Variants in B3GLCT observed in about 807,000 individuals in gnomAD.
The protein encoded by B3GLCT is beta-1,3-glucosyltransferase.
Under a neutral mutation model 63.4 loss-of-function variants are expected in B3GLCT, and 65 were observed. The observed-to-expected ratio is 1.03, with a 90% CI of 0.84 to 1.26. The LOEUF (loss-of-function observed/expected upper bound fraction) is 1.26, where lower values mean the gene tolerates loss of function less well. Ranked by LOEUF, B3GLCT falls within the 50% of genes most tolerant of loss-of-function variation. The pLI is 0.00. For missense variants in B3GLCT, 577 were observed against 604.8 expected (o/e 0.95, Z 0.48); for synonymous variants, 233 against 219.2 (o/e 1.06, Z -0.55).
Position 31,217,714 on chromosome 13 carries a change from T to C in B3GLCT, c.120+2614T>C, listed in dbSNP as rs755841199. ...AATAGTGAGTCCTTTCCCCATTGCTTGTTTTTGTCAAAGATCAGATGGTTG... is the reference window on the plus strand; with the variant it reads ...AATAGTGAGTCCTTTCCCCATTGCTCGTTTTTGTCAAAGATCAGATGGTTG... On this transcript the variant is annotated intron_variant, in intron 2 of 14. Transcript: ENST00000343307. 1.3e-5 allele frequency among the ~76,000 whole-genome samples: 2 copies of C among 152,330 alleles called. 1 individual carries two copies. Among genetic ancestry groups the C allele is most frequent in the Admixed American group, 1.3e-4 (2 of 15,302 alleles).
chr13:31,286,803 G>C lies in B3GLCT; in HGVS notation c.1048G>C (p.Asp350His). The C allele has an allele frequency of 1.2e-6, 2 of 1,610,472 alleles. No individual in the cohort carries two copies. The highest frequency in any genetic ancestry group is 1.7e-6 in the Non-Finnish European group (2 of 1,176,948). The change falls in exon 12 of 15, where the codon GAT becomes CAT. Residue 350 changes from aspartate to histidine, a missense_variant. Asp to His is a moderately conservative substitution (Grantham distance 81). Transcript: ENST00000343307. Reference sequence around the variant, plus strand: ...AACAGCATGGTTAGTCATTGTGGATGATGATACATTAATAAGGTAAGGAGT... The same window carrying C: ...AACAGCATGGTTAGTCATTGTGGATCATGATACATTAATAAGGTAAGGAGT... ...DKTAWLVIVD[D>H]DTLISISRLQ... is the part of the protein sequence containing the mutation.
intron 10 of B3GLCT, among the ~76,000 whole-genome samples, chr13:31,280,948 T>C (rs1873040471): frequency 6.6e-6 from 1 of 152,214 alleles, no homozygotes; most frequent in Non-Finnish European, 1.5e-5. Context: ...GGGCATAGCA[T>C]GTAAAATTAT....
chr13:31,315,946 G>A (rs1874982641), intron 12 of B3GLCT, among the ~76,000 whole-genome samples: 1 of 152,254 alleles, frequency 6.6e-6, no homozygotes, highest in African/African-American at 2.4e-5. Context: ...CAAACCCCAA[G>A]CTTTAGCAGC....
chr13:31,229,609 G>T (rs1870273255), intron 4 of B3GLCT, among the ~76,000 whole-genome samples: 1 of 151,926 alleles, frequency 6.6e-6, no homozygotes, highest in African/African-American at 2.4e-5. Context: ...AGCAGGGCCT[G>T]GTGATGCATG....
At chr13:31,241,494 C>G (rs1413670213) in intron 4 of B3GLCT, among the ~76,000 whole-genome samples, 1 of 152,200 alleles carries the variant, frequency 6.6e-6, no homozygotes, top group Non-Finnish European at 1.5e-5. Flanking sequence ...GGGTGTAGGT[C>G]ACTGTAGACT....
intron 7 of B3GLCT, among the ~76,000 whole-genome samples, chr13:31,261,696 G>A (rs757537365): frequency 6.6e-6 from 1 of 152,098 alleles, no homozygotes; most frequent in Non-Finnish European, 1.5e-5. Flanking sequence ...TTGTTCTTTA[G>A]GGAATGGAAA....
intron 13 of B3GLCT, among the ~76,000 whole-genome samples, chr13:31,322,444 C>T (rs949689163): frequency 6.6e-5 from 10 of 152,180 alleles, no homozygotes; most frequent in African/African-American, 2.4e-4. Flanking sequence ...ATCCTGTAGC[C>T]TTTCAACATC....
Position 31,286,727 on chromosome 13 carries a change from T to G in B3GLCT, c.972T>G (p.Cys324Trp). ...TTTTCTTGCCTTTTCTAGGTCATTG[T>G]GGAAAGACATTTGCCATTTTGGAAA... ...LGIPNTDRGH[C>W]GKTFAILERF... Residue 324 changes from cysteine to tryptophan, a missense_variant, in exon 12 of 15, where the codon TGT becomes TGG. By Grantham distance (215) the Cys-to-Trp change is radical. Transcript: ENST00000343307. 6.2e-7 allele frequency: 1 copy of G among 1,609,674 alleles called. No individual in the cohort carries two copies. The highest frequency in any genetic ancestry group is 1.3e-5 in the African/African-American group (1 of 74,926).
At chr13:31,217,739 G>A (rs1375549219) in intron 2 of B3GLCT, among the ~76,000 whole-genome samples, 1 of 152,176 alleles carries the variant, frequency 6.6e-6, no homozygotes, top group Non-Finnish European at 1.5e-5. Flanking sequence ...TCAGATGGTT[G>A]TAGGTGTGTG....
intron 6 of B3GLCT, among the ~76,000 whole-genome samples, chr13:31,257,397 T>G (rs1236519858): frequency 6.6e-6 from 1 of 152,068 alleles, no homozygotes; most frequent in Non-Finnish European, 1.5e-5. Context: ...ATTTTTCATC[T>G]CAAGCTGAGG....
chr13:31,234,552 A>G (rs1359078218), intron 4 of B3GLCT, among the ~76,000 whole-genome samples: 1 of 152,122 alleles, frequency 6.6e-6, no homozygotes, highest in Non-Finnish European at 1.5e-5. Flanking sequence ...ACAGCAGGTA[A>G]GGTGGCCAGG....
At position 31,229,027 on chromosome 13, in the gene B3GLCT, G is replaced by T. The variant is rs940708256; in HGVS notation, c.161-158G>T. ...GCTTGGGAAACAGTTTAAAAAGAGA[G>T]AAAATTTTGTCTCTAGAATTACATA... is the stretch of plus-strand genomic sequence containing the variant. On this transcript the variant is annotated intron_variant, in intron 3 of 14. Transcript: ENST00000343307. Among the ~76,000 whole-genome samples, 11 of 152,054 alleles carry T rather than the reference G, an allele frequency of 7.2e-5. No individual in the cohort carries two copies. The East Asian group carries it at 2.1e-3, about 29-fold the overall frequency.
intron 4 of B3GLCT, among the ~76,000 whole-genome samples, chr13:31,246,554 CAT>C (rs1336314592): frequency 8.5e-5 from 13 of 152,160 alleles, no homozygotes; most frequent in African/African-American, 3.1e-4. Context: ...AATTTTTGCA[CAT>C]GAGGTAGATC....
chr13:31,308,482 C>G (rs1442167021), intron 12 of B3GLCT, among the ~76,000 whole-genome samples: 1 of 151,592 alleles, frequency 6.6e-6, no homozygotes, highest in Non-Finnish European at 1.5e-5. Flanking sequence ...GTAAACAGAT[C>G]TTACAGTGGC....
At chr13:31,245,915 TTGTC>T (rs1183816477) in intron 4 of B3GLCT, among the ~76,000 whole-genome samples, 1 of 152,186 alleles carries the variant, frequency 6.6e-6, no homozygotes, top group Non-Finnish European at 1.5e-5. Context: ...ACCACATTGT[TTGTC>T]TGATTTAACC....
Position 31,331,319 on chromosome 13 carries a change from C to T in B3GLCT, c.*1651C>T, listed in dbSNP as rs1052288115. On this transcript the variant is annotated 3_prime_UTR_variant, in exon 15 of 15. Transcript: ENST00000343307. ...TTCTGCTCTGGCCTACTAACTGTTA[C>T]CACTGAGAGAACAACATGTTCATTT... 6.6e-6 allele frequency: 1 copy of T among 152,200 alleles called. No individual in the cohort carries two copies. The highest frequency in any genetic ancestry group is 2.4e-5 in the African/African-American group (1 of 41,446). The allele number at this position is 152,200 out of a possible 1,614,324, so 9.4% of individuals were successfully genotyped here.
Position 31,318,854 on chromosome 13 carries a change from G to A in B3GLCT, c.1184+1169G>A, listed in dbSNP as rs557600883. Among the ~76,000 whole-genome samples the A allele has an allele frequency of 1.5e-4, 23 of 152,214 alleles. No homozygotes were observed. The East Asian group carries it at 3.5e-3, about 23-fold the overall frequency. ...TTTATATACTTTATAGCATGATGGCGTTCATATAATATTTTTAACACAGAA... is the reference window on the plus strand; with the variant it reads ...TTTATATACTTTATAGCATGATGGCATTCATATAATATTTTTAACACAGAA... On this transcript the variant is annotated intron_variant, in intron 13 of 14. Transcript: ENST00000343307.
chr13:31,322,119 C>T (rs1467360737), intron 13 of B3GLCT, among the ~76,000 whole-genome samples: 2 of 152,250 alleles, frequency 1.3e-5, no homozygotes, highest in African/African-American at 4.8e-5. Flanking sequence ...TACTTATTTA[C>T]ATATGTGCAT....
intron 3 of B3GLCT, among the ~76,000 whole-genome samples, chr13:31,227,881 T>G (rs1315173603): frequency 6.6e-6 from 1 of 152,232 alleles, no homozygotes; most frequent in Non-Finnish European, 1.5e-5. Context: ...GGCTGAAGGC[T>G]AGAATTTACG....
Sources: gnomAD v4.1 joint callset for allele counts (sites outside exome capture counted in the v4.1 genomes callset) on GRCh38, gnomAD v4.1.1 for gene constraint, MANE v1.5 for transcripts, NCBI Gene and HGNC (gene_info 2026-07-23, HGNC 2026-07-21) for gene names.